The following DNTT variants were observed in gnomAD, a reference collection of about 807,000 sequenced individuals.
DNTT encodes nucleosidetriphosphate:DNA deoxynucleotidylexotransferase.
In DNTT, 47 loss-of-function variants were observed where a neutral mutation model predicts 60.9. The observed-to-expected ratio is 0.77, with a 90% CI of 0.61 to 0.98. The LOEUF is 0.98. Ranked by LOEUF, DNTT falls within the 50% of genes least tolerant of loss-of-function variation. The probability of loss-of-function intolerance (pLI) is 0.00; values close to 1 mark genes in which losing one functional copy is unlikely to be tolerated. For missense variants in DNTT, 665 were observed against 627.5 expected (o/e 1.06, Z -0.64); for synonymous variants, 224 against 221.2 (o/e 1.01, Z -0.11).
Position 96,338,181 on chromosome 10 carries a change from A to C in DNTT, c.1487A>C (p.His496Pro). The C allele has an allele frequency of 6.2e-7, 1 of 1,613,488 alleles. No homozygotes were observed. Among genetic ancestry groups the C allele is most frequent in the Non-Finnish European group, 8.5e-7 (1 of 1,179,874 alleles). ...KAESEEEIFA[H>P]LGLDYIEPWE... ...GAAAGTGAAGAAGAAATTTTTGCGC[A>C]TCTGGGATTGGATTATATTGAACCG... Residue 496 changes from histidine to proline, a missense_variant, in exon 11 of 11, where the codon CAT (histidine) becomes CCT (proline). By Grantham distance (77) the His-to-Pro change is moderately conservative (BLOSUM62 -2). Coordinates refer to ENST00000371174, the MANE Select transcript of DNTT (RefSeq NM_004088.4).
At chr10:96,321,395 C>T (rs1487040591) in intron 4 of DNTT, among the ~76,000 whole-genome samples, 15 of 152,092 alleles carry the variant, frequency 9.9e-5, no homozygotes, top group Non-Finnish European at 2.9e-5. Flanking sequence ...ACAGTGCCCT[C>T]CTTGTGCTTG....
chr10:96,323,597 C>T (rs113068926), intron 5 of DNTT, among the ~76,000 whole-genome samples: 32 of 152,134 alleles, frequency 2.1e-4, no homozygotes, highest in African/African-American at 7.7e-4. Context: ...GGGGACAGGA[C>T]GGAACTGCTC....
chr10:96,315,040 T>C (rs1388673527), intron 1 of DNTT, among the ~76,000 whole-genome samples: 2 of 152,126 alleles, frequency 1.3e-5, no homozygotes, highest in African/African-American at 4.8e-5. Flanking sequence ...GAGGGGCTGA[T>C]GGCAACCCCG....
chr10:96,320,244 G>A lies in DNTT; in HGVS notation c.508-374G>A, dbSNP rs567762081. 5.3e-5 allele frequency among the ~76,000 whole-genome samples: 8 copies of A among 152,322 alleles called. No individual in the cohort carries two copies. The South Asian group carries it at 1.2e-3, about 24-fold the overall frequency. ...CTGTGTTAAGTGCTGTGTTTCATGG[G>A]GCTGCTCAGTGATCAAGGCAGAATT... On this transcript the variant is annotated intron_variant, in intron 3 of 10. Transcript: ENST00000371174.
chr10:96,332,654 T>A, intron 9 of DNTT, 58 bp downstream of exon 9: 1 of 1,587,158 alleles, frequency 6.3e-7, no homozygotes, highest in Non-Finnish European at 8.6e-7. Flanking sequence ...GTAGGCCGAG[T>A]CTACCTGGGC....
Position 96,338,318 on chromosome 10 carries a change from T to C in DNTT, c.*94T>C. ...GATGCCATAGGAGAGTTTGGGGTTA[T>C]TTAGGTCTTATTGAAATGCAGATTG... On this transcript the variant is annotated 3_prime_UTR_variant, in exon 11 of 11. Coordinates refer to ENST00000371174, the MANE Select transcript of DNTT (RefSeq NM_004088.4). 4 of 1,171,156 alleles carry C rather than the reference T, an allele frequency of 3.4e-6. No individual in the cohort carries two copies. The highest frequency in any genetic ancestry group is 4.8e-6 in the Non-Finnish European group (4 of 831,332). The allele number at this position is 1,171,156 out of a possible 1,614,324, so 72.5% of individuals were successfully genotyped here. A position where few individuals can be genotyped will look rare whatever the true frequency, so the allele number is the denominator to read the frequency against.
chr10:96,314,562 T>C (rs535599239), intron 1 of DNTT, among the ~76,000 whole-genome samples: 11 of 150,226 alleles, frequency 7.3e-5, no homozygotes, highest in Non-Finnish European at 1.5e-4. Context: ...ACAGGCGCGT[T>C]CCACCACGCC....
intron 10 of DNTT, 58 bp from the exon 11 acceptor site, chr10:96,338,080 C>T: frequency 6.8e-7 from 1 of 1,472,602 alleles, no homozygotes; most frequent in Non-Finnish European, 9.4e-7. Flanking sequence ...TCACTGTGTC[C>T]ACACCATGGT....
At chr10:96,336,944 A>AAAG (rs1433387888) in intron 10 of DNTT, among the ~76,000 whole-genome samples, 1 of 151,088 alleles carries the variant, frequency 6.6e-6, no homozygotes, top group African/African-American at 2.4e-5. Context: ...TGTCAGGAAA[A>AAAG]AAAAAAAAAA....
rs1844916013 is a variant in DNTT at position 96,324,385 on chromosome 10, A to C, written c.870A>C (p.Lys290Asn). 1 of 1,613,648 alleles carries C rather than the reference A, an allele frequency of 6.2e-7. No individual in the cohort carries two copies. Among genetic ancestry groups the C allele is most frequent in the African/African-American group, 1.3e-5 (1 of 74,892 alleles). The change falls in exon 6 of 11, where the codon AAA becomes AAC. Residue 290 changes from lysine to asparagine, a missense_variant. Lys to Asn is a moderately conservative substitution (Grantham distance 94). Transcript: ENST00000371174. ...DKSLKFTRMQKAGFLYYEDLV... is the reference protein window; with the variant it reads ...DKSLKFTRMQNAGFLYYEDLV... Reference sequence around the variant, plus strand: ...GCCTGAAATTTACACGAATGCAGAAAGCAGGTAAATTGTCTCTCCTAAAAG... The same window carrying C: ...GCCTGAAATTTACACGAATGCAGAACGCAGGTAAATTGTCTCTCCTAAAAG...
At chr10:96,322,995 C>G (rs554643277) in intron 5 of DNTT, among the ~76,000 whole-genome samples, 2 of 152,204 alleles carry the variant, frequency 1.3e-5, no homozygotes, top group African/African-American at 4.8e-5. Flanking sequence ...AACAAGCAAT[C>G]TTTCTGGTGT....
At chr10:96,319,123 A>T in intron 2 of DNTT, 139 bp from the exon 3 acceptor site, 1 of 849,594 alleles carries the variant, frequency 1.2e-6, no homozygotes, top group Non-Finnish European at 1.7e-6. Flanking sequence ...TTCAAATATT[A>T]GAGATGTATA....
At position 96,338,181 on chromosome 10, in the gene DNTT, A is replaced by G. The variant is rs1845095319; in HGVS notation, c.1487A>G (p.His496Arg). The G allele has an allele frequency of 6.2e-7, 1 of 1,613,488 alleles. No homozygotes were observed. The highest frequency in any genetic ancestry group is 1.1e-5 in the South Asian group (1 of 90,770). ...GAAAGTGAAGAAGAAATTTTTGCGC[A>G]TCTGGGATTGGATTATATTGAACCG... ...KAESEEEIFA[H>R]LGLDYIEPWE... Residue 496 changes from histidine to arginine, a missense_variant, in exon 11 of 11, where the codon CAT (histidine) becomes CGT (arginine). Physicochemically the swap from His to Arg is conservative, Grantham distance 29 (BLOSUM62 0). Coordinates refer to ENST00000371174, the MANE Select transcript of DNTT (RefSeq NM_004088.4).
At chr10:96,327,165 GA>G (rs1369568396) in intron 6 of DNTT, among the ~76,000 whole-genome samples, 1 of 152,192 alleles carries the variant, frequency 6.6e-6, no homozygotes, top group East Asian at 1.9e-4. Context: ...TATTGATCAA[GA>G]AGGCTGGTTC....
rs75572490 is a variant in DNTT at position 96,315,464 on chromosome 10, A to G, written c.204-2888A>G. ...GTTTTGTTTGCTAGTTGCTTATTGA[A>G]CAGGAAGTGGGAGTTTAAATCAGAG... On this transcript the variant is annotated intron_variant, in intron 1 of 10. Coordinates refer to ENST00000371174, the MANE Select transcript of DNTT (RefSeq NM_004088.4). 7.3e-3 allele frequency among the ~76,000 whole-genome samples: 1,113 copies of G among 152,244 alleles called. 9 individuals carry two copies. Among genetic ancestry groups the G allele is most frequent in the African/African-American group, 0.021 (879 of 41,548 alleles).
At chr10:96,314,402 C>CGTTTTTTTTTTTT (rs1564870103) in intron 1 of DNTT, among the ~76,000 whole-genome samples, 1 of 53,230 alleles carries the variant, frequency 1.9e-5, no homozygotes, top group African/African-American at 5.9e-5. Context: ...TATCTCTTCC[C>CGTTTTTTTTTTTT]TTTTTTTTTT....
chr10:96,309,318 G>A (rs1039798646), intron 1 of DNTT, among the ~76,000 whole-genome samples: 1 of 152,182 alleles, frequency 6.6e-6, no homozygotes, highest in African/African-American at 2.4e-5. Context: ...TATTTGTCAG[G>A]TTGTGGAGAC....
intron 1 of DNTT, among the ~76,000 whole-genome samples, chr10:96,316,678 G>A (rs1844790540): frequency 6.6e-6 from 1 of 152,100 alleles, no homozygotes; most frequent in Non-Finnish European, 1.5e-5. Context: ...CTGCCTTTTA[G>A]GTGTGTCATT....
chr10:96,307,919 G>A (rs931657783), intron 1 of DNTT, among the ~76,000 whole-genome samples: 10 of 151,446 alleles, frequency 6.6e-5, no homozygotes, highest in South Asian at 2.1e-4. Context: ...CTACAGATGC[G>A]GGCCATGCCC....
Sources: gnomAD v4.1 joint callset for allele counts (sites outside exome capture counted in the v4.1 genomes callset) on GRCh38, gnomAD v4.1.1 for gene constraint, MANE v1.5 for transcripts, NCBI Gene and HGNC (gene_info 2026-07-23, HGNC 2026-07-21) for gene names.